Variants in SLC35F3 observed in about 807,000 individuals in gnomAD.
The protein encoded by SLC35F3 is putative thiamine transporter SLC35F3.
In SLC35F3, 25 loss-of-function variants were observed where a neutral mutation model predicts 49.9. The observed-to-expected ratio is 0.50, with a 90% CI of 0.37 to 0.70. SLC35F3 has a LOEUF of 0.70. Ranked by LOEUF, SLC35F3 falls within the 30% of genes least tolerant of loss-of-function variation. SLC35F3 has a pLI of 0.00. For missense variants in SLC35F3, 525 were observed against 639.8 expected, an observed-to-expected ratio of 0.82 and a Z score of 1.94; for synonymous variants, 275 against 265.4, an observed-to-expected ratio of 1.04 and a Z score of -0.35.
At position 234,214,918 on chromosome 1, in the gene SLC35F3, G is replaced by A; in HGVS notation, c.284-16499G>A. The stretch of plus-strand genomic sequence containing the variant: ...CTTGTCTGTTCGGCAGGAGGGGGTC[G>A]TCCAGCCGCTCCCAGTGTCCCCTTA... On this transcript the variant is annotated intron_variant, in intron 2 of 7. Coordinates refer to ENST00000366618, the MANE Select transcript of SLC35F3 (RefSeq NM_173508.4). This position sits in a 1 kb window ranked among gnomAD's most constrained non-coding sequence, Gnocchi z 8.0. 1 of 241,578 alleles carries A rather than the reference G, an allele frequency of 4.1e-6. No individual in the cohort carries two copies. Among genetic ancestry groups the A allele is most frequent in the Non-Finnish European group, 7.9e-6 (1 of 126,140 alleles). The allele number at this position is 241,578 out of a possible 1,614,324, so 15.0% of individuals were successfully genotyped here. A position where few individuals can be genotyped will look rare whatever the true frequency, so the allele number is the denominator to read the frequency against.
chr1:234,108,469 A>T (rs865994804), intron 2 of SLC35F3, among the ~76,000 whole-genome samples: 1 of 83,648 alleles, frequency 1.2e-5, no homozygotes, highest in African/African-American at 3.8e-5. Context: ...TATATATATA[A>T]AAGATATATA....
chr1:233,962,119 C>G (rs1372276262), intron 2 of SLC35F3, among the ~76,000 whole-genome samples: 3 of 152,180 alleles, frequency 2.0e-5, no homozygotes, highest in African/African-American at 7.2e-5. Context: ...TAAAACCATA[C>G]ATATTTCCAC....
chr1:234,006,713 A>C (rs1663635881), intron 2 of SLC35F3, among the ~76,000 whole-genome samples: 2 of 152,232 alleles, frequency 1.3e-5, no homozygotes, highest in Admixed American at 1.3e-4. Flanking sequence ...GCATGGCTGC[A>C]GCAGAATGAG....
chr1:233,933,421 T>G (rs1662276991), intron 2 of SLC35F3, among the ~76,000 whole-genome samples: 1 of 152,158 alleles, frequency 6.6e-6, no homozygotes, highest in Non-Finnish European at 1.5e-5. Context: ...CAATTCTAGC[T>G]CACTGCAACC....
intron 2 of SLC35F3, among the ~76,000 whole-genome samples, chr1:233,908,790 TC>T (rs1661820552): frequency 6.6e-6 from 1 of 151,532 alleles, no homozygotes; most frequent in Admixed American, 6.6e-5. Context: ...CACCTCGGCC[TC>T]CCAAAGTGCT....
chr1:234,167,734 A>G (rs915350590), intron 2 of SLC35F3, among the ~76,000 whole-genome samples: 4 of 152,150 alleles, frequency 2.6e-5, no homozygotes, highest in Admixed American at 2.6e-4. Context: ...GTGCCGAGAA[A>G]TCATATCATT....
chr1:234,102,709 T>C (rs540628948), intron 2 of SLC35F3, among the ~76,000 whole-genome samples: 4 of 152,312 alleles, frequency 2.6e-5, no homozygotes, highest in African/African-American at 9.6e-5. Flanking sequence ...GACTCCCCTC[T>C]TGCTCCTTCT....
chr1:233,905,670 C>T lies in SLC35F3; in HGVS notation c.195C>T (p.Ser65=), dbSNP rs145835583. Residue 65 remains serine (S), a synonymous_variant, in exon 2 of 8, where the codon AGC becomes AGT. Transcript: ENST00000366618. ...CGCGCTCCGTGGAGGATCTCACCAGCGGGCCGGTGGGGCTCACGTCCATCG... is the reference window on the plus strand; with the variant it reads ...CGCGCTCCGTGGAGGATCTCACCAGTGGGCCGGTGGGGCTCACGTCCATCG... ...KWSRSVEDLT[S]GPVGLTSIEE... 96 of 1,614,188 alleles carry T rather than the reference C, an allele frequency of 5.9e-5. No individual in the cohort carries two copies. The African/African-American group carries it at 1.2e-3, about 20-fold the overall frequency.
At chr1:234,309,791 G>T (rs1442811941) in intron 4 of SLC35F3, among the ~76,000 whole-genome samples, 1 of 152,220 alleles carries the variant, frequency 6.6e-6, no homozygotes, top group African/African-American at 2.4e-5. Context: ...TGCAGTCTTG[G>T]CCCTTTGCCT....
At chr1:234,201,429 C>G (rs531660259) in intron 2 of SLC35F3, among the ~76,000 whole-genome samples, 59 of 152,174 alleles carry the variant, frequency 3.9e-4, no homozygotes, top group Non-Finnish European at 5.4e-4. Context: ...ATTAATAAAT[C>G]AAATAATGCT....
At chr1:234,270,458 G>A (rs550474089) in intron 3 of SLC35F3, among the ~76,000 whole-genome samples, 21 of 152,340 alleles carry the variant, frequency 1.4e-4, no homozygotes, top group African/African-American at 4.3e-4. Context: ...GGGGTATGTG[G>A]TTGAGGCATG....
chr1:234,082,035 G>A (rs552325912), intron 2 of SLC35F3, among the ~76,000 whole-genome samples: 6 of 149,852 alleles, frequency 4.0e-5, no homozygotes, highest in East Asian at 2.0e-4. Context: ...AATTACAGGC[G>A]TGAGCCACTG....
rs757165843 is a variant in SLC35F3, at chr1:233,905,045, C to G, written c.-33C>G. On this transcript the variant is annotated 5_prime_UTR_variant, in exon 1 of 8. Transcript: ENST00000366618. ...GGCCCGCGGCCCCTCCGCCTCAAGT[C>G]TGGGAGCTGCCGGTCCCACTCTGTC... 3.9e-6 allele frequency: 6 copies of G among 1,549,988 alleles called. No homozygotes were observed. In the South Asian group the frequency reaches 7.2e-5, roughly 19 times the overall value.
intron 2 of SLC35F3, among the ~76,000 whole-genome samples, chr1:234,206,909 T>C (rs1027430674): frequency 1.3e-5 from 2 of 152,114 alleles, no homozygotes; most frequent in African/African-American, 4.8e-5. Context: ...TGGAGCCGCA[T>C]CAACCTCCTT....
Position 234,168,928 on chromosome 1 carries a change from T to C in SLC35F3, c.284-62489T>C, listed in dbSNP as rs894812455. ...GAGGAGATTTATTATGGGAATTGGC[T>C]TACATGGTTATGGAGGCCGAGAAAG... On this transcript the variant is annotated intron_variant, in intron 2 of 7. Coordinates refer to ENST00000366618, the MANE Select transcript of SLC35F3 (RefSeq NM_173508.4). Among the ~76,000 whole-genome samples the C allele has an allele frequency of 2.0e-5, 3 of 152,146 alleles. No homozygotes were observed. The South Asian group carries it at 6.2e-4, about 32-fold the overall frequency.
chr1:234,120,499 T>G (rs1572059392), intron 2 of SLC35F3, among the ~76,000 whole-genome samples: 1 of 152,250 alleles, frequency 6.6e-6, no homozygotes. Context: ...CATTGCACTC[T>G]TTCCCCTTTG....
intron 3 of SLC35F3, among the ~76,000 whole-genome samples, chr1:234,286,638 GGAT>G (rs1668425417): frequency 6.6e-6 from 1 of 152,220 alleles, no homozygotes; most frequent in Non-Finnish European, 1.5e-5. Flanking sequence ...GAGTCCATGA[GGAT>G]GATGAGGGAG....
At chr1:233,913,643 C>T (rs1294252735) in intron 2 of SLC35F3, among the ~76,000 whole-genome samples, 1 of 152,210 alleles carries the variant, frequency 6.6e-6, no homozygotes, top group Non-Finnish European at 1.5e-5. Flanking sequence ...GTGGCCGTTT[C>T]CTCAGGCACA....
At chr1:234,103,168 A>G (rs887427577) in intron 2 of SLC35F3, among the ~76,000 whole-genome samples, 2 of 152,388 alleles carry the variant, frequency 1.3e-5, no homozygotes, top group East Asian at 3.9e-4. Context: ...TGTAAGAAAA[A>G]GAGTGTGAGC....
Sources: gnomAD v4.1 joint callset for allele counts (sites outside exome capture counted in the v4.1 genomes callset) on GRCh38, gnomAD v4.1.1 for gene constraint, Gnocchi (gnomAD v3.1) non-coding constraint, MANE v1.5 for transcripts, NCBI Gene and HGNC (gene_info 2026-07-23, HGNC 2026-07-21) for gene names.